Variants in MPDZ observed in about 807,000 individuals in gnomAD.
MPDZ encodes multiple PDZ domain crumbs cell polarity complex component.
Under a neutral mutation model 239.1 loss-of-function variants are expected in MPDZ, and 234 were observed. The observed-to-expected ratio is 0.98, with a 90% confidence interval of 0.88 to 1.09. The LOEUF (loss-of-function observed/expected upper bound fraction) is 1.09. Ranked by LOEUF, MPDZ falls within the 50% of genes least tolerant of loss-of-function variation. MPDZ has a pLI of 0.00. For missense variants in MPDZ, 3,175 were observed against 2,510.0 expected (o/e 1.26, Z -5.66); for synonymous variants, 1,048 against 881.3 (o/e 1.19, Z -3.35).
chr9:13,256,145 C>T (rs1969372865), intron 1 of MPDZ, among the ~76,000 whole-genome samples: 1 of 152,182 alleles, frequency 6.6e-6, no homozygotes. Flanking sequence ...ATGAACCAAC[C>T]TCTGCTAGCT....
At chr9:13,189,129 C>G (rs955450980) in intron 16 of MPDZ, 136 bp from the exon 17 acceptor site, 2 of 730,974 alleles carry the variant, frequency 2.7e-6, no homozygotes, top group Non-Finnish European at 4.3e-6. Context: ...AAAATCCATA[C>G]AAAATTTCTA....
In MPDZ at chr9:13,250,364, A is replaced by G. The variant is rs1967610465; in HGVS notation, c.-49T>C. 6.6e-7 allele frequency: 1 copy of G among 1,523,686 alleles called. No homozygotes were observed. Among genetic ancestry groups the G allele is most frequent in the Admixed American group, 1.9e-5 (1 of 52,442 alleles). 94.4% of individuals were successfully genotyped at this position (1,523,686 alleles called of 1,614,324 possible). A position where few individuals can be genotyped will look rare whatever the true frequency, so the allele number is the denominator to read the frequency against. ...CTCTGAAATGATTAACAGCAATTAAAATGGAACTCTGTGCAAAAAAGAAAT... is the reference window on the plus strand; with the variant it reads ...CTCTGAAATGATTAACAGCAATTAAGATGGAACTCTGTGCAAAAAAGAAAT... On this transcript the variant is annotated 5_prime_UTR_variant, in exon 2 of 47. Transcript: ENST00000319217.
At position 13,125,377 on chromosome 9, in the gene MPDZ, A is replaced by G; in HGVS notation, c.4646T>C (p.Leu1549Pro). The stretch of plus-strand genomic sequence containing the variant: ...TTTTACTGTCATCTTTGCTGTCTTC[A>G]GAAGGCTAATAAACTGGCAGGGTGT... ...GYPIEKFISL[L>P]KTAKMTVKLT... is the part of the protein sequence containing the mutation. The change falls in exon 35 of 47, where the codon CTG (leucine) becomes CCG (proline). Residue 1549 changes from leucine (L) to proline (P), a missense_variant. By Grantham distance (98) the Leu-to-Pro change is moderately conservative. Coordinates refer to ENST00000319217, the MANE Select transcript of MPDZ (RefSeq NM_001378778.1). 3.7e-6 allele frequency: 6 copies of G among 1,613,652 alleles called. No individual in the cohort carries two copies. Among genetic ancestry groups the G allele is most frequent in the Non-Finnish European group, 5.1e-6 (6 of 1,179,590 alleles).
chr9:13,118,005 T>C (rs1441610165), intron 39 of MPDZ, among the ~76,000 whole-genome samples: 1 of 151,964 alleles, frequency 6.6e-6, no homozygotes, highest in Non-Finnish European at 1.5e-5. Context: ...CTACCACACC[T>C]GGCTAATTTT....
At chr9:13,190,797 A>G (rs542592453) in intron 15 of MPDZ, among the ~76,000 whole-genome samples, 26 of 152,190 alleles carry the variant, frequency 1.7e-4, no homozygotes, top group Admixed American at 1.2e-3. Context: ...GTGGCAAAAC[A>G]TAAGATTTGA....
chr9:13,110,046 C>G lies in MPDZ; in HGVS notation c.5848G>C (p.Val1950Leu), dbSNP rs758517075. ...TGCTGATGACCTGTGACCACACTCA[C>G]GTCTCCTCCAGCAACCACCTGCGCA... ...IEMQVVAGGD[V>L]SVVTGHQQEP... is the part of the protein sequence containing the mutation. The change falls in exon 45 of 47, where the codon GTG becomes CTG. Residue 1950 changes from valine (V) to leucine (L), a missense_variant. Coordinates refer to ENST00000319217, the MANE Select transcript of MPDZ (RefSeq NM_001378778.1). The G allele has an allele frequency of 3.1e-6, 5 of 1,612,838 alleles. No individual in the cohort carries two copies. The African/African-American group carries it at 5.3e-5, about 17-fold the overall frequency.
chr9:13,248,931 C>T, intron 2 of MPDZ, among the ~76,000 whole-genome samples: 1 of 127,610 alleles, frequency 7.8e-6, no homozygotes. Flanking sequence ...CGAGATCATA[C>T]CACTACACTC....
chr9:13,186,852 G>A (rs1954175675), intron 17 of MPDZ, among the ~76,000 whole-genome samples: 1 of 152,044 alleles, frequency 6.6e-6, no homozygotes, highest in Non-Finnish European at 1.5e-5. Flanking sequence ...TCCCTTACAA[G>A]AATATTATTT....
chr9:13,119,702 G>A, intron 38 of MPDZ, 53 bp from the exon 39 acceptor site: 2 of 1,604,642 alleles, frequency 1.2e-6, no homozygotes, highest in South Asian at 2.2e-5. Flanking sequence ...GTAATGCAAT[G>A]CTTATTTAAT....
chr9:13,218,332 TAG>T (rs1295538161), intron 8 of MPDZ, among the ~76,000 whole-genome samples: 1 of 151,932 alleles, frequency 6.6e-6, no homozygotes, highest in Non-Finnish European at 1.5e-5. Context: ...AGTGCTATTT[TAG>T]AGAGTGGCAA....
At chr9:13,173,866 C>T (rs368676025) in intron 21 of MPDZ, among the ~76,000 whole-genome samples, 9 of 152,138 alleles carry the variant, frequency 5.9e-5, no homozygotes, top group African/African-American at 2.2e-4. Flanking sequence ...CTACCCTTAG[C>T]TCCCGCTGCC....
At chr9:13,154,335 A>G (rs1310152301) in intron 24 of MPDZ, among the ~76,000 whole-genome samples, 1 of 152,094 alleles carries the variant, frequency 6.6e-6, no homozygotes, top group Admixed American at 6.6e-5. Context: ...TATGTAGGGA[A>G]AAAAAAGGCA....
chr9:13,262,242 C>T (rs1970847481), intron 1 of MPDZ, among the ~76,000 whole-genome samples: 1 of 151,572 alleles, frequency 6.6e-6, no homozygotes, highest in African/African-American at 2.4e-5. Flanking sequence ...ACTGGTGGAT[C>T]GCTTGAGCCC....
intron 3 of MPDZ, 90 bp from the exon 4 acceptor site, chr9:13,224,673 A>C: frequency 3.5e-6 from 3 of 853,410 alleles, no homozygotes; most frequent in Non-Finnish European, 5.3e-6. Context: ...CATACAAATG[A>C]AATTTCAAAA....
intron 3 of MPDZ, among the ~76,000 whole-genome samples, chr9:13,235,685 C>T (rs1055273143): frequency 6.6e-6 from 1 of 152,086 alleles, no homozygotes; most frequent in Non-Finnish European, 1.5e-5. Context: ...AAAATAAGTC[C>T]TTAACCCAAG....
At chr9:13,168,242 G>A in intron 22 of MPDZ, 124 bp downstream of exon 22, 2 of 866,776 alleles carry the variant, frequency 2.3e-6, no homozygotes, top group Non-Finnish European at 1.8e-6. Context: ...TTTCTTGAGT[G>A]ATTTATGTTA....
chr9:13,206,794 GGCCTCCCAAAGT>G lies in MPDZ; in HGVS notation c.1291-707_1291-696del, dbSNP rs1465871747. ...CTTGACCTCGTGATCTGCCCGCCTC[GGCCTCCCAAAGT>G]GCTGAGATTACAGGCGTGAGCCACT... On this transcript the variant is annotated intron_variant, in intron 10 of 46. Transcript: ENST00000319217. Among the ~76,000 whole-genome samples the G allele has an allele frequency of 3.9e-5, 6 of 151,938 alleles. No homozygotes were observed. The South Asian group carries it at 1.2e-3, about 32-fold the overall frequency.
chr9:13,136,830 G>A, intron 29 of MPDZ, 27 bp from the exon 30 acceptor site: 1 of 1,413,362 alleles, frequency 7.1e-7, no homozygotes. Context: ...TCATTAGTTG[G>A]GCCTGAAATC....
intron 10 of MPDZ, 124 bp downstream of exon 10, chr9:13,216,650 T>C (rs1449378166): frequency 1.3e-5 from 8 of 610,852 alleles, no homozygotes; most frequent in Non-Finnish European, 1.7e-5. Flanking sequence ...AATAATAGCC[T>C]CAAGTCACCA....
Sources: gnomAD v4.1 joint callset for allele counts (sites outside exome capture counted in the v4.1 genomes callset) on GRCh38, gnomAD v4.1.1 for gene constraint, MANE v1.5 for transcripts, NCBI Gene and HGNC (gene_info 2026-07-23, HGNC 2026-07-21) for gene names.